FRMPD1: variants seen among roughly 807,000 people sequenced by gnomAD.
FRMPD1 encodes the protein FERM and PDZ domain containing 1.
Under a neutral mutation model 117.8 loss-of-function variants are expected in FRMPD1, and 76 were observed. The observed-to-expected ratio is 0.65, with a 90% CI of 0.54 to 0.78. The LOEUF (loss-of-function observed/expected upper bound fraction) is 0.78. FRMPD1 is among the 30% of genes least tolerant of loss of function. The probability of loss-of-function intolerance (pLI) is 0.00; values close to 1 mark genes in which losing one functional copy is unlikely to be tolerated. For missense variants in FRMPD1, 1,786 were observed against 1,964.5 expected (o/e 0.91, Z 1.72); for synonymous variants, 783 against 770.4 (o/e 1.02, Z -0.27).
chr9:37,678,256 T>TTTTTTTTG (rs1432195149), intron 1 of FRMPD1, among the ~76,000 whole-genome samples: 1 of 87,854 alleles, frequency 1.1e-5, no homozygotes, highest in African/African-American at 5.8e-5. Flanking sequence ...TACCACTTTT[T>TTTTTTTTG]TTTTTTTTTT....
At chr9:37,603,341 T>C in the FRMPD1 span, among the ~76,000 whole-genome samples, 6 of 151,710 alleles carry the variant, frequency 4.0e-5, no homozygotes, top group African/African-American at 1.5e-4. Flanking sequence ...AGGAAGGAGG[T>C]AAGTGTGTGT....
In FRMPD1 at chr9:37,729,794, G is replaced by A; in HGVS notation, c.679G>A (p.Glu227Lys). Reference sequence around the variant, plus strand: ...TATCGAGTACTTTGCACTGGCCCTGGAAGAGCAGTACAGCATCTCCCGGCT... The same window carrying A: ...TATCGAGTACTTTGCACTGGCCCTGAAAGAGCAGTACAGCATCTCCCGGCT... ...RSIEYFALAL[E>K]EQYSISRLHL... is the part of the protein sequence containing the mutation. Residue 227 changes from glutamate to lysine, a missense_variant, in exon 8 of 16, where the codon GAA becomes AAA. Transcript: ENST00000377765. The A allele has an allele frequency of 6.2e-7, 1 of 1,613,976 alleles. No individual in the cohort carries two copies. The highest frequency in any genetic ancestry group is 8.5e-7 in the Non-Finnish European group (1 of 1,179,858).
intron 2 of FRMPD1, among the ~76,000 whole-genome samples, chr9:37,702,873 T>A (rs1354723704): frequency 1.3e-5 from 2 of 152,164 alleles, no homozygotes. Context: ...TGATGTAGAG[T>A]CTTCGAGGTC....
chr9:37,726,929 T>G (rs1823643170), intron 7 of FRMPD1, among the ~76,000 whole-genome samples: 2 of 148,482 alleles, frequency 1.3e-5, no homozygotes. Flanking sequence ...TCTGGGGGAG[T>G]GGAGTGGTAG....
chr9:37,717,331 A>G lies in FRMPD1; in HGVS notation c.409-1738A>G, dbSNP rs1468280090. ...TATATATATGTATGTGTGTGTGTGT[A>G]TGTGTATATATGTGTGTGTGTGTGT... On this transcript the variant is annotated intron_variant, in intron 5 of 15. Transcript: ENST00000377765. 2.6e-3 allele frequency among the ~76,000 whole-genome samples: 279 copies of G among 108,554 alleles called. 1 individual carries two copies. The highest frequency in any genetic ancestry group is 8.6e-3 in the African/African-American group (261 of 30,212). 71.2% of individuals were successfully genotyped at this position (108,554 alleles called of 152,430 possible).
rs147985108 is a variant in FRMPD1 at position 37,740,634 on chromosome 9, C to A, written c.2106C>A (p.Ser702Arg). The A allele has an allele frequency of 8.7e-5, 140 of 1,614,084 alleles. No individual in the cohort carries two copies. In the African/African-American group the frequency reaches 1.4e-3, roughly 16 times the overall value. Residue 702 changes from serine to arginine, a missense_variant, in exon 15 of 16, where the codon AGC becomes AGA. Coordinates refer to ENST00000377765, the MANE Select transcript of FRMPD1 (RefSeq NM_014907.3). The surrounding 1 kb of genome is among the most constrained non-coding windows in gnomAD (Gnocchi z 4.2). ...VRLDPRLYEG[S>R]HADYYSLCSS... ...TGGACCCCAGGCTGTATGAAGGCAGCCACGCTGACTACTACAGCCTGTGTT... is the reference window on the plus strand; with the variant it reads ...TGGACCCCAGGCTGTATGAAGGCAGACACGCTGACTACTACAGCCTGTGTT...
rs75730745 is a variant in FRMPD1, at chr9:37,661,080, C to T, written c.-5+9986C>T. 2.6e-3 allele frequency among the ~76,000 whole-genome samples: 396 copies of T among 152,284 alleles called. 1 individual carries two copies. The highest frequency in any genetic ancestry group is 9.2e-3 in the African/African-American group (383 of 41,550). ...TTAGTAGAGACTTGGAGGGGTGGTG[C>T]CCCCTCTCTGCACTTTCAGAGGATA... On this transcript the variant is annotated intron_variant, in intron 1 of 15. Transcript: ENST00000377765.
At chr9:37,624,813 C>T in the FRMPD1 span, among the ~76,000 whole-genome samples, 1 of 152,206 alleles carries the variant, frequency 6.6e-6, no homozygotes, top group Non-Finnish European at 1.5e-5. Context: ...AGCACAGTGC[C>T]TACCCAGAGG....
chr9:37,700,349 T>C (rs1219779671), intron 2 of FRMPD1, among the ~76,000 whole-genome samples: 1 of 152,268 alleles, frequency 6.6e-6, no homozygotes, highest in Non-Finnish European at 1.5e-5. Context: ...GATTACATGC[T>C]ACATTTCCTT....
At chr9:37,617,718 T>G in the FRMPD1 span, among the ~76,000 whole-genome samples, 1 of 152,208 alleles carries the variant, frequency 6.6e-6, no homozygotes, top group African/African-American at 2.4e-5. Context: ...TTAACCATTT[T>G]TAAAGATCCC....
At chr9:37,631,580 A>G in the FRMPD1 span, among the ~76,000 whole-genome samples, 1 of 152,210 alleles carries the variant, frequency 6.6e-6, no homozygotes. Flanking sequence ...TTAGAATAAT[A>G]AATTCACAAA....
chr9:37,622,322 A>G, the FRMPD1 span, among the ~76,000 whole-genome samples: 1 of 152,166 alleles, frequency 6.6e-6, no homozygotes, highest in Non-Finnish European at 1.5e-5. Context: ...TAATAGCCGC[A>G]ATGAATTACC....
chr9:37,637,889 A>G, the FRMPD1 span, among the ~76,000 whole-genome samples: 1 of 151,698 alleles, frequency 6.6e-6, no homozygotes, highest in Non-Finnish European at 1.5e-5. Context: ...AAAAGAGATC[A>G]CTGAGTGTTA....
In FRMPD1 at chr9:37,724,237, C is replaced by T; in HGVS notation, c.529C>T (p.Leu177=). ...ISGHSQGNSL[L]CMPNVLKLYL... Reference sequence around the variant, plus strand: ...TTGTGTTTTCCAGGGTAATTCTCTGCTGTGTATGCCCAACGTGCTCAAGCT... The same window carrying T: ...TTGTGTTTTCCAGGGTAATTCTCTGTTGTGTATGCCCAACGTGCTCAAGCT... Residue 177 remains leucine (L), a synonymous_variant, in exon 7 of 16, where the codon CTG becomes TTG. Transcript: ENST00000377765. 1.3e-6 allele frequency: 2 copies of T among 1,575,746 alleles called. No individual in the cohort carries two copies. The highest frequency in any genetic ancestry group is 1.1e-5 in the South Asian group (1 of 90,340).
the FRMPD1 span, among the ~76,000 whole-genome samples, chr9:37,628,246 G>A: frequency 9.2e-5 from 14 of 152,336 alleles, no homozygotes; most frequent in African/African-American, 3.4e-4. Context: ...GCAAGGCTGT[G>A]TGCACCAATA....
At chr9:37,696,220 C>A (rs1822319077) in intron 2 of FRMPD1, among the ~76,000 whole-genome samples, 2 of 151,916 alleles carry the variant, frequency 1.3e-5, no homozygotes, top group Admixed American at 1.3e-4. Context: ...CTTTAAGAGG[C>A]CTTTCCTGAC....
At chr9:37,734,516 A>G (rs73445185) in intron 12 of FRMPD1, among the ~76,000 whole-genome samples, 6,791 of 151,776 alleles carry the variant, frequency 0.045, 531 homozygotes, top group African/African-American at 0.15. Flanking sequence ...TCTCGGGGGT[A>G]TGGTTTCAGA....
intron 1 of FRMPD1, among the ~76,000 whole-genome samples, chr9:37,685,130 T>A (rs1007629081): frequency 6.6e-6 from 1 of 152,170 alleles, no homozygotes; most frequent in Admixed American, 6.5e-5. Context: ...GATAATGAAC[T>A]TGAGTCAATA....
chr9:37,609,838 TGCTCTTCCTCAGGAAA>T, the FRMPD1 span, among the ~76,000 whole-genome samples: 1 of 152,154 alleles, frequency 6.6e-6, no homozygotes, highest in Non-Finnish European at 1.5e-5. Flanking sequence ...CCAGCCTCCT[TGCTCTTCCTCAGGAAA>T]GCCAAGCCTA....
Sources: gnomAD v4.1 joint callset for allele counts (sites outside exome capture counted in the v4.1 genomes callset) on GRCh38, gnomAD v4.1.1 for gene constraint, Gnocchi (gnomAD v3.1) non-coding constraint, MANE v1.5 for transcripts, NCBI Gene and HGNC (gene_info 2026-07-23, HGNC 2026-07-21) for gene names.